UMODL1: variants seen among roughly 807,000 people sequenced by gnomAD.
UMODL1 encodes the protein uromodulin like 1.
In UMODL1, 128 loss-of-function variants were observed where a neutral mutation model predicts 136.3. That is an observed-to-expected ratio of 0.94 (90% CI 0.81 to 1.09). The LOEUF (loss-of-function observed/expected upper bound fraction) is 1.09. Among genes scored for constraint, UMODL1 ranks in the 50% least tolerant of loss-of-function variants. The pLI is 0.00. For synonymous variants in UMODL1, 721 were observed against 720.0 expected (o/e 1.00, Z -0.02); for missense variants, 1,766 against 1,725.6 (o/e 1.02, Z -0.41).
At chr21:42,130,340 T>C (rs935079996) in intron 21 of UMODL1, among the ~76,000 whole-genome samples, 3 of 152,180 alleles carry the variant, frequency 2.0e-5, no homozygotes, top group African/African-American at 7.2e-5. Flanking sequence ...AAAACTTCCA[T>C]TAGCCAATTA....
intron 21 of UMODL1, among the ~76,000 whole-genome samples, chr21:42,130,420 A>G (rs1321908300): frequency 6.6e-6 from 1 of 151,488 alleles, no homozygotes; most frequent in Non-Finnish European, 1.5e-5. Context: ...ATGGTCCATC[A>G]TCTTATTTTG....
At chr21:42,103,430 G>A (rs2066662440) in intron 8 of UMODL1, 2 of 348,222 alleles carry the variant, frequency 5.7e-6, no homozygotes, top group African/African-American at 2.1e-5. Context: ...GGCTCTGTGT[G>A]CGTGTTTTGT....
At chr21:42,070,110 T>A (rs749375976), upstream of UMODL1, among the ~76,000 whole-genome samples, 14 of 152,224 alleles carry the variant, frequency 9.2e-5, no homozygotes, top group Non-Finnish European at 1.9e-4. Context: ...CAGAGATTAA[T>A]CTACAGAGAA....
At chr21:42,092,291 A>G (rs558269523) in intron 6 of UMODL1, among the ~76,000 whole-genome samples, 37 of 152,162 alleles carry the variant, frequency 2.4e-4, no homozygotes, top group Non-Finnish European at 4.3e-4. Context: ...GTGGACTCCC[A>G]GGGGGTCTCT....
chr21:42,066,483 A>C (rs2066183994), upstream of UMODL1, among the ~76,000 whole-genome samples: 2 of 152,136 alleles, frequency 1.3e-5, no homozygotes, highest in South Asian at 4.2e-4. Context: ...GCAGGGTTTC[A>C]CCATGTTGAC....
intron 4 of UMODL1, among the ~76,000 whole-genome samples, chr21:42,087,578 C>T (rs1474102961): frequency 6.6e-6 from 1 of 152,198 alleles, no homozygotes; most frequent in Non-Finnish European, 1.5e-5. Flanking sequence ...TGGATGTGTA[C>T]AACAGGAGAC....
Position 42,113,844 on chromosome 21 carries a change from AT to A in UMODL1, c.2362+17del. On this transcript the variant is annotated intron_variant, in intron 13 of 22. Transcript: ENST00000408910. ...AAGTGAGGACAGGTAATGGGCTTCC[AT>A]TTGTTTTTAAAGAGAGGAACAAAAA... is the stretch of plus-strand genomic sequence containing the variant. The A allele has an allele frequency of 6.2e-7, 1 of 1,603,070 alleles. No homozygotes were observed. Among genetic ancestry groups the A allele is most frequent in the African/African-American group, 1.3e-5 (1 of 74,520 alleles).
chr21:42,106,238 G>A (rs948629505), intron 9 of UMODL1, among the ~76,000 whole-genome samples: 4 of 152,242 alleles, frequency 2.6e-5, no homozygotes, highest in Non-Finnish European at 5.9e-5. Flanking sequence ...CACGAGGCCT[G>A]AGCCCAGCTT....
chr21:42,092,113 A>C lies in UMODL1; in HGVS notation c.931+1675A>C, dbSNP rs376043794. Among the ~76,000 whole-genome samples, 14 of 152,306 alleles carry C rather than the reference A, an allele frequency of 9.2e-5. 2 individuals carry two copies. Among genetic ancestry groups the C allele is most frequent in the East Asian group, 3.9e-4 (2 of 5,184 alleles). ...AGCAGGGCAGGAAAGTGCCTGTGGG[A>C]ACTACGGGGATCCGGTGCAGACTTC... On this transcript the variant is annotated intron_variant, in intron 6 of 22. Coordinates refer to ENST00000408910, the MANE Select transcript of UMODL1 (RefSeq NM_001004416.3).
chr21:42,123,102 C>T lies in UMODL1; in HGVS notation c.3099C>T (p.His1033=), dbSNP rs777765761. The T allele has an allele frequency of 6.8e-5, 109 of 1,613,958 alleles. No homozygotes were observed. The highest frequency in any genetic ancestry group is 8.4e-5 in the Non-Finnish European group (99 of 1,180,000). ...SCNVSHSNGT[H]VLLEAGWSEC... ...ACGTGAGCCACAGCAATGGCACACACGTGCTCCTGGAGGCCGGCTGGAGCG... is the reference window on the plus strand; with the variant it reads ...ACGTGAGCCACAGCAATGGCACACATGTGCTCCTGGAGGCCGGCTGGAGCG... The change falls in exon 17 of 23, where the codon CAC becomes CAT. Residue 1033 remains histidine, a synonymous_variant. Coordinates refer to ENST00000408910, the MANE Select transcript of UMODL1 (RefSeq NM_001004416.3). The surrounding 1 kb of genome is among the most constrained non-coding windows in gnomAD (Gnocchi z 4.4).
chr21:42,112,537 G>A (rs1601242281), intron 12 of UMODL1, among the ~76,000 whole-genome samples: 1 of 150,732 alleles, frequency 6.6e-6, no homozygotes, highest in African/African-American at 2.5e-5. Context: ...CTCCCCAGCT[G>A]TTCTGCACCC....
chr21:42,123,233 A>C lies in UMODL1; in HGVS notation c.3147+83A>C, dbSNP rs139987056. The C allele has an allele frequency of 6.8e-7, 1 of 1,470,346 alleles. No individual in the cohort carries two copies. The highest frequency in any genetic ancestry group is 2.3e-5 in the East Asian group (1 of 43,058). The allele number at this position is 1,470,346 out of a possible 1,614,324, so 91.1% of individuals were successfully genotyped here. A position where few individuals can be genotyped will look rare whatever the true frequency, so the allele number is the denominator to read the frequency against. On this transcript the variant is annotated intron_variant, in intron 17 of 22. Transcript: ENST00000408910. The surrounding 1 kb of genome is among the most constrained non-coding windows in gnomAD (Gnocchi z 4.4). ...ACATGGGCCTCGATGTGGGAGGGCC[A>C]GGCAAGACTCTGCACCCCGAGGGGA...
At chr21:42,065,996 C>T (rs969186899) in intron 1 of UMODL1, among the ~76,000 whole-genome samples, 1 of 152,200 alleles carries the variant, frequency 6.6e-6, no homozygotes, top group Non-Finnish European at 1.5e-5. Context: ...TTACATGAAC[C>T]GTGAATTCTT....
chr21:42,084,095 T>C lies in UMODL1; in HGVS notation c.331T>C (p.Ser111Pro). 6.2e-7 allele frequency: 1 copy of C among 1,613,994 alleles called. No homozygotes were observed. The highest frequency in any genetic ancestry group is 8.5e-7 in the Non-Finnish European group (1 of 1,179,946). Residue 111 changes from serine to proline, a missense_variant, in exon 3 of 23, where the codon TCC becomes CCC. Physicochemically the swap from Ser to Pro is moderately conservative, Grantham distance 74. Coordinates refer to ENST00000408910, the MANE Select transcript of UMODL1 (RefSeq NM_001004416.3). Reference sequence around the variant, plus strand: ...TCATTTTCTCCCAGCCCTGAATCAGTCCGGGCAGTTCACGTCAAGACCTGG... The same window carrying C: ...TCATTTTCTCCCAGCCCTGAATCAGCCCGGGCAGTTCACGTCAAGACCTGG... Reference protein sequence around the residue: ...GLYCVLPLNQSGQFTSRPGAC... With the variant: ...GLYCVLPLNQPGQFTSRPGAC...
At chr21:42,077,164 T>G (rs2066304561) in intron 2 of UMODL1, among the ~76,000 whole-genome samples, 1 of 151,398 alleles carries the variant, frequency 6.6e-6, no homozygotes. Context: ...GATGTGGGGG[T>G]GTGTGGCTCC....
At chr21:42,074,251 C>G (rs1405908166) in intron 1 of UMODL1, among the ~76,000 whole-genome samples, 1 of 152,184 alleles carries the variant, frequency 6.6e-6, no homozygotes, top group Non-Finnish European at 1.5e-5. Context: ...AAGCATCACC[C>G]TGGTCTCTAC....
chr21:42,074,776 G>C (rs2066268646), intron 1 of UMODL1, among the ~76,000 whole-genome samples: 2 of 152,190 alleles, frequency 1.3e-5, no homozygotes, highest in African/African-American at 4.8e-5. Flanking sequence ...CTAGGCTGGA[G>C]TGCAGTGACA....
At chr21:42,129,865 A>G in intron 21 of UMODL1, 68 bp downstream of exon 21, 1 of 1,234,576 alleles carries the variant, frequency 8.1e-7, no homozygotes, top group Non-Finnish European at 1.1e-6. Context: ...CCAGCATGTA[A>G]ATAAAAAAGT....
intron 9 of UMODL1, chr21:42,108,381 A>G (rs1036702086): frequency 9.7e-6 from 5 of 515,076 alleles, no homozygotes; most frequent in African/African-American, 7.8e-5. Flanking sequence ...CCCCCAGGCC[A>G]TGCTAGGGTG....
Sources: allele counts gnomAD v4.1 joint callset (sites outside exome capture counted in the v4.1 genomes callset), GRCh38; gene constraint gnomAD v4.1.1; non-coding constraint Gnocchi (gnomAD v3.1); transcripts MANE v1.5; gene names NCBI Gene and HGNC (gene_info 2026-07-23, HGNC 2026-07-21).